Variants in NEBL observed in about 807,000 individuals in gnomAD.
The protein encoded by NEBL is LIM and SH3 protein 2.
A neutral mutation model predicts 140.2 loss-of-function variants in NEBL; 122 were observed. The ratio of observed to expected loss-of-function variants is 0.87; its 90% CI spans 0.75 to 1.01. The LOEUF (loss-of-function observed/expected upper bound fraction) is 1.01, where lower values mean the gene tolerates loss of function less well. NEBL is among the 50% of genes least tolerant of loss of function. The pLI is 0.00. For synonymous variants in NEBL, 436 were observed against 398.9 expected (o/e 1.09, Z -1.11); for missense variants, 1,365 against 1,231.3 (o/e 1.11, Z -1.62).
chr10:20,834,385 C>T (rs754977933), intron 14 of NEBL, among the ~76,000 whole-genome samples: 30 of 152,128 alleles, frequency 2.0e-4, no homozygotes, highest in Non-Finnish European at 8.8e-5. Flanking sequence ...TGCTCCTGGC[C>T]GTCCACCCCT....
At chr10:20,840,903 T>G in intron 12 of NEBL, 54 bp from the exon 13 acceptor site, 1 of 995,044 alleles carries the variant, frequency 1.0e-6, no homozygotes, top group Non-Finnish European at 1.6e-6. Context: ...CTTTATTCAG[T>G]GTGCTATTCT....
intron 24 of NEBL, among the ~76,000 whole-genome samples, chr10:20,811,612 G>A (rs1838148946): frequency 6.6e-6 from 1 of 152,158 alleles, no homozygotes. Context: ...AGTCACTTTA[G>A]TATAATCATC....
At chr10:21,235,030 C>G (rs565546646) in intron 3 of NEBL, among the ~76,000 whole-genome samples, 2 of 152,300 alleles carry the variant, frequency 1.3e-5, no homozygotes, top group East Asian at 1.9e-4. Flanking sequence ...CGTGGTGGCA[C>G]TCGCCTGTGG....
intron 3 of NEBL, among the ~76,000 whole-genome samples, chr10:20,987,986 T>A (rs1362758302): frequency 6.6e-6 from 1 of 152,236 alleles, no homozygotes; most frequent in Non-Finnish European, 1.5e-5. Context: ...ACCATCTTCA[T>A]GGACTGGAAA....
chr10:21,123,683 T>C (rs981845799), intron 2 of NEBL, among the ~76,000 whole-genome samples: 1 of 151,842 alleles, frequency 6.6e-6, no homozygotes, highest in Non-Finnish European at 1.5e-5. Context: ...ATCCAGTCTA[T>C]AGTTCCCCTT....
chr10:21,072,005 A>C (rs376920221), intron 2 of NEBL, among the ~76,000 whole-genome samples: 2 of 152,016 alleles, frequency 1.3e-5, no homozygotes, highest in African/African-American at 4.8e-5. Flanking sequence ...TTTAGTAGAG[A>C]TGGGGTTTCA....
At chr10:21,191,442 G>A (rs557193869) in intron 3 of NEBL, among the ~76,000 whole-genome samples, 5 of 152,280 alleles carry the variant, frequency 3.3e-5, no homozygotes, top group South Asian at 2.1e-4. Context: ...CTCACCCACC[G>A]TTCGATATTA....
intron 3 of NEBL, among the ~76,000 whole-genome samples, chr10:21,187,547 T>G (rs1841496293): frequency 1.3e-5 from 2 of 151,810 alleles, no homozygotes; most frequent in African/African-American, 4.8e-5. Flanking sequence ...TAAGGTCAGA[T>G]CTGTCACCCA....
rs376405982 is a variant in NEBL at position 20,828,632 on chromosome 10, T to G, written c.1674A>C (p.Arg558Ser). The change falls in exon 17 of 28, where the codon AGA becomes AGC. Residue 558 changes from arginine to serine, a missense_variant and splice_region_variant. Transcript: ENST00000377122. The part of the protein sequence containing the change: ...AKRTSEIYSQ[R>S]KYKDEAEKML... ...TCTTCTCTGCTTCATCTTTATACTT[T>G]CTCTAAAAACATAAACAGTTAATAT... 1.1e-5 allele frequency: 17 copies of G among 1,547,084 alleles called. No individual in the cohort carries two copies. The African/African-American group carries it at 2.3e-4, about 21-fold the overall frequency.
At chr10:20,795,677 A>G (rs1836435768) in intron 26 of NEBL, among the ~76,000 whole-genome samples, 1 of 152,132 alleles carries the variant, frequency 6.6e-6, no homozygotes, top group Non-Finnish European at 1.5e-5. Flanking sequence ...TTTCAAGCCT[A>G]TGTTCAATAT....
chr10:21,148,162 G>A (rs1839982128), intron 2 of NEBL, among the ~76,000 whole-genome samples: 1 of 152,172 alleles, frequency 6.6e-6, no homozygotes, highest in African/African-American at 2.4e-5. Context: ...AAAGATGTGT[G>A]GTGGGAGAAA....
Position 20,785,395 on chromosome 10 carries a change from C to A in NEBL, c.*352G>T. On this transcript the variant is annotated 3_prime_UTR_variant, in exon 28 of 28. Coordinates refer to ENST00000377122, the MANE Select transcript of NEBL (RefSeq NM_006393.3). ...GCTTGGGGTGATTCCAAAGTGACAG[C>A]TAAGAAGTTTCAAACACACACTACA... is the stretch of plus-strand genomic sequence containing the variant. 3.2e-6 allele frequency: 1 copy of A among 308,822 alleles called. No individual in the cohort carries two copies. Among genetic ancestry groups the A allele is most frequent in the Admixed American group, 4.5e-5 (1 of 22,364 alleles). 19.1% of individuals were successfully genotyped at this position (308,822 alleles called of 1,614,324 possible).
intron 4 of NEBL, among the ~76,000 whole-genome samples, chr10:20,910,646 C>T (rs1381525025): frequency 6.6e-6 from 1 of 152,016 alleles, no homozygotes; most frequent in Non-Finnish European, 1.5e-5. Flanking sequence ...CTAAGACCTA[C>T]CTTCAAAATC....
At chr10:20,916,021 T>A (rs1848540709) in intron 4 of NEBL, among the ~76,000 whole-genome samples, 1 of 152,258 alleles carries the variant, frequency 6.6e-6, no homozygotes, top group Non-Finnish European at 1.5e-5. Context: ...AGACTGTCTT[T>A]CTACGATAAA....
chr10:20,807,328 A>C (rs1014116969), intron 26 of NEBL, among the ~76,000 whole-genome samples: 11 of 152,186 alleles, frequency 7.2e-5, no homozygotes, highest in African/African-American at 2.4e-4. Context: ...TCTATCAAAA[A>C]AGTAATCAGA....
chr10:20,998,126 C>T (rs541753885), intron 3 of NEBL, among the ~76,000 whole-genome samples: 5 of 152,104 alleles, frequency 3.3e-5, no homozygotes, highest in East Asian at 1.9e-4. Flanking sequence ...ATCACTGATA[C>T]GATACGGTAT....
chr10:20,912,058 C>G (rs555376120), intron 4 of NEBL, among the ~76,000 whole-genome samples: 7 of 152,166 alleles, frequency 4.6e-5, no homozygotes, highest in Non-Finnish European at 1.0e-4. Context: ...CTCCCTCTTA[C>G]GGTTATAATA....
At chr10:21,003,244 C>T (rs1837983941) in intron 3 of NEBL, among the ~76,000 whole-genome samples, 1 of 152,114 alleles carries the variant, frequency 6.6e-6, no homozygotes, top group South Asian at 2.1e-4. Context: ...GCTTCTCCCA[C>T]CCTGGGGAAC....
At chr10:20,966,224 T>C (rs1836308870) in intron 3 of NEBL, among the ~76,000 whole-genome samples, 1 of 152,232 alleles carries the variant, frequency 6.6e-6, no homozygotes, top group African/African-American at 2.4e-5. Context: ...ATATGTTGCA[T>C]GTATGCACAG....
Sources: gnomAD v4.1 joint callset for allele counts (sites outside exome capture counted in the v4.1 genomes callset) on GRCh38, gnomAD v4.1.1 for gene constraint, MANE v1.5 for transcripts, NCBI Gene and HGNC (gene_info 2026-07-23, HGNC 2026-07-21) for gene names.